UBE2E2: variants seen among roughly 807,000 people sequenced by gnomAD.
UBE2E2 encodes ubiquitin conjugating enzyme E2 E2.
UBE2E2 carries 6 observed loss-of-function variants against 24.7 expected under a neutral mutation model. The ratio of observed to expected loss-of-function variants is 0.24; its 90% confidence interval spans 0.13 to 0.48. The LOEUF (loss-of-function observed/expected upper bound fraction) is 0.48. UBE2E2 is among the 20% of genes least tolerant of loss of function. The probability of loss-of-function intolerance (pLI) is 0.99; values close to 1 mark genes in which losing one functional copy is unlikely to be tolerated. For synonymous variants in UBE2E2, 104 were observed against 83.6 expected, an observed-to-expected ratio of 1.24 and a Z score of -1.33; for missense variants, 169 against 245.0, an observed-to-expected ratio of 0.69 and a Z score of 2.07.
At chr3:23,355,030 C>G (rs1412479064) in intron 3 of UBE2E2, among the ~76,000 whole-genome samples, 3 of 151,912 alleles carry the variant, frequency 2.0e-5, no homozygotes, top group African/African-American at 7.3e-5. Context: ...ACATATACAC[C>G]ATGGAATACT....
At chr3:23,283,964 A>G (rs540645064) in intron 3 of UBE2E2, among the ~76,000 whole-genome samples, 5 of 152,302 alleles carry the variant, frequency 3.3e-5, no homozygotes, top group Non-Finnish European at 5.9e-5. Flanking sequence ...AGTTTGAAAA[A>G]GAATATGGAT....
chr3:23,275,868 A>G (rs974689621), intron 3 of UBE2E2, among the ~76,000 whole-genome samples: 8 of 152,196 alleles, frequency 5.3e-5, no homozygotes, highest in African/African-American at 1.9e-4. Context: ...TATGTTGCCC[A>G]GCAGATCCCG....
chr3:23,318,997 T>C (rs1694666355), intron 3 of UBE2E2, among the ~76,000 whole-genome samples: 1 of 152,222 alleles, frequency 6.6e-6, no homozygotes. Flanking sequence ...AAAAATGTTT[T>C]CATGAGGAAG....
At chr3:23,453,308 G>A (rs147681159) in intron 3 of UBE2E2, among the ~76,000 whole-genome samples, 82 of 151,218 alleles carry the variant, frequency 5.4e-4, no homozygotes, top group African/African-American at 1.8e-3. Context: ...ATCCATTTCC[G>A]TTGGAAACAA....
intron 4 of UBE2E2, among the ~76,000 whole-genome samples, chr3:23,528,895 C>A (rs1257035912): frequency 1.3e-5 from 2 of 152,134 alleles, no homozygotes; most frequent in Non-Finnish European, 2.9e-5. Flanking sequence ...TCAGGGCAGC[C>A]CTTCTCCTCC....
chr3:23,270,341 T>C (rs530512356), intron 3 of UBE2E2, among the ~76,000 whole-genome samples: 2 of 152,216 alleles, frequency 1.3e-5, no homozygotes, highest in South Asian at 4.2e-4. Flanking sequence ...TGCGATGGTG[T>C]ATTTTGTGCA....
chr3:23,494,732 T>G (rs1699568886), intron 3 of UBE2E2, among the ~76,000 whole-genome samples: 1 of 152,074 alleles, frequency 6.6e-6, no homozygotes. Context: ...TTATATGCTT[T>G]TTTCTTTTTT....
chr3:23,353,814 A>T (rs1294179984), intron 3 of UBE2E2, among the ~76,000 whole-genome samples: 1 of 137,282 alleles, frequency 7.3e-6, no homozygotes, highest in Non-Finnish European at 1.6e-5. Context: ...ATACTGTCCA[A>T]GGTAATTTAT....
intron 3 of UBE2E2, among the ~76,000 whole-genome samples, chr3:23,283,697 G>A (rs533807125): frequency 6.6e-6 from 1 of 152,184 alleles, no homozygotes; most frequent in African/African-American, 2.4e-5. Context: ...AGGATGCAGT[G>A]AGCCATGATC....
chr3:23,328,219 A>G (rs1479314174), intron 3 of UBE2E2, among the ~76,000 whole-genome samples: 1 of 152,348 alleles, frequency 6.6e-6, no homozygotes, highest in South Asian at 2.1e-4. Flanking sequence ...TGCAAAATAA[A>G]AAATTACATT....
chr3:23,262,483 G>A (rs551749821), intron 3 of UBE2E2, among the ~76,000 whole-genome samples: 14 of 152,082 alleles, frequency 9.2e-5, no homozygotes, highest in Non-Finnish European at 1.5e-4. Context: ...GTCTCATTAT[G>A]TTGCCTAGGC....
At chr3:23,524,865 G>GAC (rs59806964) in intron 4 of UBE2E2, among the ~76,000 whole-genome samples, 2,428 of 147,502 alleles carry the variant, frequency 0.016, 31 homozygotes, top group South Asian at 0.022. Flanking sequence ...CAGACACACA[G>GAC]ACACACACAC....
chr3:23,317,420 G>T (rs1224730203), intron 3 of UBE2E2, among the ~76,000 whole-genome samples: 1 of 152,178 alleles, frequency 6.6e-6, no homozygotes, highest in Non-Finnish European at 1.5e-5. Context: ...TCCCCCAAGT[G>T]CACAGATTGT....
intron 3 of UBE2E2, among the ~76,000 whole-genome samples, chr3:23,319,471 A>G (rs1370546328): frequency 2.6e-5 from 4 of 152,140 alleles, no homozygotes; most frequent in Non-Finnish European, 5.9e-5. Context: ...TGTGTGCCAG[A>G]TACTATTCTG....
intron 3 of UBE2E2, among the ~76,000 whole-genome samples, chr3:23,298,532 T>A (rs528832229): frequency 1.2e-4 from 18 of 151,562 alleles, no homozygotes; most frequent in East Asian, 1.9e-4. Flanking sequence ...CTTTTCTGCA[T>A]CTATTGAGAT....
chr3:23,412,849 T>G (rs1037874529), intron 3 of UBE2E2, among the ~76,000 whole-genome samples: 1 of 152,176 alleles, frequency 6.6e-6, no homozygotes, highest in Non-Finnish European at 1.5e-5. Context: ...CAGAACCTTG[T>G]GTTTAACAAG....
intron 3 of UBE2E2, among the ~76,000 whole-genome samples, chr3:23,462,958 A>G (rs778763226): frequency 9.2e-5 from 14 of 152,194 alleles, no homozygotes; most frequent in Non-Finnish European, 2.1e-4. Flanking sequence ...AAAATGCATT[A>G]AACAGTGCCT....
chr3:23,269,417 TG>T (rs1262701319), intron 3 of UBE2E2, among the ~76,000 whole-genome samples: 1 of 152,154 alleles, frequency 6.6e-6, no homozygotes, highest in East Asian at 1.9e-4. Flanking sequence ...CAAAGGCTTT[TG>T]GGGCTCTATT....
chr3:23,237,721 A>G (rs1422747095), intron 3 of UBE2E2, among the ~76,000 whole-genome samples: 1 of 152,148 alleles, frequency 6.6e-6, no homozygotes, highest in African/African-American at 2.4e-5. Flanking sequence ...TCATTCTTAC[A>G]GGTAGGCGAA....
Sources: gnomAD v4.1 joint callset for allele counts (sites outside exome capture counted in the v4.1 genomes callset) on GRCh38, gnomAD v4.1.1 for gene constraint, MANE v1.5 for transcripts, NCBI Gene and HGNC (gene_info 2026-07-23, HGNC 2026-07-21) for gene names.